IYD: variants seen among roughly 807,000 people sequenced by gnomAD.
IYD encodes the protein iodotyrosine deiodinase 1.
Under a neutral mutation model 28.4 loss-of-function variants are expected in IYD, and 25 were observed. The observed-to-expected ratio is 0.88, with a 90% CI of 0.64 to 1.23. The LOEUF (loss-of-function observed/expected upper bound fraction) is 1.23. IYD is among the 50% of genes most tolerant of loss of function. IYD has a pLI of 0.00. For missense variants in IYD, 352 were observed against 357.9 expected (o/e 0.98, Z 0.13); for synonymous variants, 140 against 130.8 (o/e 1.07, Z -0.48).
At chr6:150,390,611 CT>C (rs1361807753) in intron 2 of IYD, among the ~76,000 whole-genome samples, 1 of 152,156 alleles carries the variant, frequency 6.6e-6, no homozygotes, top group East Asian at 1.9e-4. Context: ...GTCTGCAGCC[CT>C]TCCTCCCTCC....
intron 1 of IYD, chr6:150,370,160 A>T (rs1777168724): frequency 9.2e-6 from 6 of 652,484 alleles, no homozygotes; most frequent in Admixed American, 6.8e-5. Context: ...TGGACATGTG[A>T]GTGTGTGTGA....
intron 1 of IYD, among the ~76,000 whole-genome samples, chr6:150,380,205 T>A (rs1346277968): frequency 6.6e-6 from 1 of 152,222 alleles, no homozygotes; most frequent in Non-Finnish European, 1.5e-5. Context: ...ACATAGTATT[T>A]GGTGTTTTGC....
intron 1 of IYD, among the ~76,000 whole-genome samples, chr6:150,375,259 T>C (rs1457938670): frequency 6.6e-6 from 1 of 152,150 alleles, no homozygotes; most frequent in African/African-American, 2.4e-5. Flanking sequence ...AGTTTGGAGC[T>C]AGGATTTTTT....
chr6:150,376,833 G>C (rs1317585357), intron 1 of IYD, among the ~76,000 whole-genome samples: 3 of 151,732 alleles, frequency 2.0e-5, no homozygotes, highest in Non-Finnish European at 2.9e-5. Flanking sequence ...TGTTGCCCAG[G>C]CTGGTCTCGA....
chr6:150,373,850 ATT>A (rs750865173), intron 1 of IYD, among the ~76,000 whole-genome samples: 21 of 152,374 alleles, frequency 1.4e-4, no homozygotes, highest in Non-Finnish European at 2.4e-4. Flanking sequence ...ACACCTAGAC[ATT>A]AATACTTTCA....
chr6:150,395,324 C>T (rs1221089975), intron 4 of IYD: 2 of 1,063,476 alleles, frequency 1.9e-6, no homozygotes, highest in East Asian at 5.2e-5. Flanking sequence ...AGAGCTTCTT[C>T]ACTATCTCAA....
intron 1 of IYD, among the ~76,000 whole-genome samples, chr6:150,370,886 G>A (rs1209506024): frequency 2.0e-5 from 3 of 152,182 alleles, no homozygotes; most frequent in East Asian, 1.9e-4. Context: ...GAGTTCCATC[G>A]AGGACATGTT....
At chr6:150,370,679 CT>C (rs1777207729) in intron 1 of IYD, 1 of 985,076 alleles carries the variant, frequency 1.0e-6, no homozygotes, top group African/African-American at 1.7e-5. Flanking sequence ...ATGGTTTGTG[CT>C]GGTAAGGATG....
intron 1 of IYD, among the ~76,000 whole-genome samples, chr6:150,371,547 G>A (rs2115010521): frequency 6.6e-6 from 1 of 152,334 alleles, no homozygotes; most frequent in African/African-American, 2.4e-5. Flanking sequence ...GTCAGGTCCT[G>A]GGGCTGGGCC....
chr6:150,383,303 G>A (rs1777719568), intron 1 of IYD, among the ~76,000 whole-genome samples: 1 of 152,108 alleles, frequency 6.6e-6, no homozygotes, highest in East Asian at 1.9e-4. Flanking sequence ...GTCTCCATGG[G>A]TAGACCTGGG....
At position 150,397,657 on chromosome 6, in the gene IYD, C is replaced by T. The variant is rs561738938; in HGVS notation, c.688-398C>T. On this transcript the variant is annotated intron_variant, in intron 4 of 4. Transcript: ENST00000344419. ...GGCTAGGACACTGCTTTGGTGGACT[C>T]TCTTATCATTTGGTTCTTGTACCAG... is the stretch of plus-strand genomic sequence containing the variant. Among the ~76,000 whole-genome samples, 21 of 151,806 alleles carry T rather than the reference C, an allele frequency of 1.4e-4. No individual in the cohort carries two copies. The South Asian group carries it at 4.2e-3, about 30-fold the overall frequency.
intron 1 of IYD, among the ~76,000 whole-genome samples, chr6:150,388,627 T>TTTTCTTTC (rs1178891144): frequency 0.039 from 4,980 of 128,978 alleles, 143 homozygotes; most frequent in Middle Eastern, 0.06. Flanking sequence ...GTCTGGAGTT[T>TTTTCTTTC]TTGCTTTCTT....
chr6:150,374,287 A>C (rs1358276499), intron 1 of IYD, among the ~76,000 whole-genome samples: 1 of 152,244 alleles, frequency 6.6e-6, no homozygotes, highest in Non-Finnish European at 1.5e-5. Context: ...GTGTGTTTTC[A>C]TGCTAGGTTT....
chr6:150,370,745 G>A, intron 1 of IYD: 3 of 783,590 alleles, frequency 3.8e-6, no homozygotes, highest in Non-Finnish European at 4.6e-6. Flanking sequence ...TCAGAGTAAA[G>A]TTAATGGAAG....
rs556200811 is a variant in IYD, at chr6:150,380,979, C to T, written c.179-8373C>T. Among the ~76,000 whole-genome samples the T allele has an allele frequency of 9.2e-5, 14 of 152,300 alleles. No individual in the cohort carries two copies. The South Asian group carries it at 2.9e-3, about 32-fold the overall frequency. On this transcript the variant is annotated intron_variant, in intron 1 of 4. Transcript: ENST00000344419. Reference sequence around the variant, plus strand: ...TGGTCCATGGAATCCAGGGACATGGCAGCACAGGAAAATCGTCAGAGGTTT... The same window carrying T: ...TGGTCCATGGAATCCAGGGACATGGTAGCACAGGAAAATCGTCAGAGGTTT...
chr6:150,378,328 G>C (rs919063261), intron 1 of IYD, among the ~76,000 whole-genome samples: 14 of 147,110 alleles, frequency 9.5e-5, no homozygotes, highest in Admixed American at 1.3e-4. Context: ...ATCCCTCCCC[G>C]CTCCCCCCAC....
intron 4 of IYD, chr6:150,396,294 C>T: frequency 4.7e-6 from 2 of 421,714 alleles, no homozygotes; most frequent in Non-Finnish European, 8.3e-6. Flanking sequence ...CATGGACCTG[C>T]TAAATTCAAT....
chr6:150,397,582 A>AC (rs1448725335), intron 4 of IYD, among the ~76,000 whole-genome samples: 4 of 123,080 alleles, frequency 3.2e-5, no homozygotes, highest in African/African-American at 3.7e-5. Context: ...AAAAAAAACA[A>AC]AAAACAAAAC....
chr6:150,388,639 CTTTCT>C (rs1398247883), intron 1 of IYD, among the ~76,000 whole-genome samples: 5 of 48,786 alleles, frequency 1.0e-4, no homozygotes, highest in African/African-American at 2.5e-4. Flanking sequence ...TGCTTTCTTT[CTTTCT>C]TTCTTTCTTT....
Sources: gnomAD v4.1 joint callset for allele counts (sites outside exome capture counted in the v4.1 genomes callset) on GRCh38, gnomAD v4.1.1 for gene constraint, MANE v1.5 for transcripts, NCBI Gene and HGNC (gene_info 2026-07-23, HGNC 2026-07-21) for gene names.